PPP1R12A: variants seen among roughly 807,000 people sequenced by gnomAD.
PPP1R12A encodes the protein protein phosphatase 1 regulatory subunit 12A, also known as myosin binding subunit.
In PPP1R12A, 19 loss-of-function variants were observed where a neutral mutation model predicts 139.6. That is an observed-to-expected ratio of 0.14 (90% CI 0.09 to 0.20). The LOEUF is 0.20. Among genes scored for constraint, PPP1R12A ranks in the 10% least tolerant of loss-of-function variants. The pLI, the probability that PPP1R12A is intolerant of heterozygous loss-of-function variation, is 1.00. For synonymous variants in PPP1R12A, 427 were observed against 420.6 expected, an observed-to-expected ratio of 1.02 and a Z score of -0.19; for missense variants, 925 against 1,211.5, an observed-to-expected ratio of 0.76 and a Z score of 3.51.
intron 1 of PPP1R12A, among the ~76,000 whole-genome samples, chr12:79,900,731 C>T (rs918697063): frequency 1.3e-5 from 2 of 152,026 alleles, no homozygotes; most frequent in African/African-American, 4.8e-5. Context: ...GGAGAAGGCT[C>T]CTAAATAGTC....
At chr12:79,852,613 G>A (rs1007791356) in intron 2 of PPP1R12A, among the ~76,000 whole-genome samples, 2 of 152,086 alleles carry the variant, frequency 1.3e-5, no homozygotes, top group African/African-American at 4.8e-5. Flanking sequence ...AGATAGTGAG[G>A]TGCCATTTCA....
intron 2 of PPP1R12A, among the ~76,000 whole-genome samples, chr12:79,870,008 C>T (rs185663429): frequency 1.3e-5 from 2 of 151,794 alleles, no homozygotes; most frequent in East Asian, 3.9e-4. Context: ...GGCCACCAGA[C>T]TATTATTTTT....
chr12:79,916,934 C>T (rs2136931496), intron 1 of PPP1R12A, among the ~76,000 whole-genome samples: 1 of 151,422 alleles, frequency 6.6e-6, no homozygotes, highest in Non-Finnish European at 1.5e-5. Flanking sequence ...GTAAAAGATC[C>T]AAAAGTAACA....
At chr12:79,827,957 C>T (rs1344902978) in intron 5 of PPP1R12A, among the ~76,000 whole-genome samples, 2 of 152,092 alleles carry the variant, frequency 1.3e-5, no homozygotes, top group Non-Finnish European at 2.9e-5. Flanking sequence ...ACGTGTGTTC[C>T]AACTCAAAGG....
intron 1 of PPP1R12A, among the ~76,000 whole-genome samples, chr12:79,880,196 T>C (rs974574063): frequency 6.6e-6 from 1 of 152,124 alleles, no homozygotes; most frequent in African/African-American, 2.4e-5. Flanking sequence ...ATAAGGGCCA[T>C]AATAGCAGTG....
chr12:79,906,493 T>A (rs945454089), intron 1 of PPP1R12A, among the ~76,000 whole-genome samples: 2 of 152,136 alleles, frequency 1.3e-5, no homozygotes, highest in Non-Finnish European at 2.9e-5. Flanking sequence ...TAATATTTTT[T>A]AAAAAGCTAA....
chr12:79,892,773 CTG>C (rs761940775), intron 1 of PPP1R12A, among the ~76,000 whole-genome samples: 9 of 152,124 alleles, frequency 5.9e-5, no homozygotes, highest in Non-Finnish European at 1.0e-4. Flanking sequence ...TATTTCCAAA[CTG>C]TTTCCATGAA....
In PPP1R12A at chr12:79,774,968, T is replaced by A. The variant is rs1381540773; in HGVS notation, c.*961A>T. 2.0e-5 allele frequency: 3 copies of A among 152,368 alleles called. No homozygotes were observed. The East Asian group carries it at 5.8e-4, about 29-fold the overall frequency. 9.4% of individuals were successfully genotyped at this position (152,368 alleles called of 1,614,324 possible). On this transcript the variant is annotated 3_prime_UTR_variant, in exon 25 of 25. Coordinates refer to ENST00000450142, the MANE Select transcript of PPP1R12A (RefSeq NM_002480.3). ...ATGTGTAACTTTTAAAGTCTTTATA[T>A]CACATTGTTAGCAAATTTTGTTTTT...
At chr12:79,796,744 G>T in intron 17 of PPP1R12A, 38 bp downstream of exon 17, 2 of 1,503,794 alleles carry the variant, frequency 1.3e-6, no homozygotes, top group South Asian at 1.2e-5. Context: ...AGGATTATAT[G>T]AAGAAAGCAA....
chr12:79,902,003 G>A, intron 1 of PPP1R12A, among the ~76,000 whole-genome samples: 1 of 152,168 alleles, frequency 6.6e-6, no homozygotes, highest in South Asian at 2.1e-4. Context: ...ATGGGCTCAG[G>A]ATATTTAAGG....
intron 2 of PPP1R12A, among the ~76,000 whole-genome samples, chr12:79,857,489 AAGTTAATGAAG>A (rs1442837003): frequency 1.3e-5 from 2 of 151,990 alleles, no homozygotes; most frequent in Admixed American, 1.3e-4. Context: ...GCTAAATGAC[AAGTTAATGAAG>A]AGTTAATGCA....
chr12:79,809,714 G>T (rs1874295558), intron 10 of PPP1R12A, 81 bp downstream of exon 10: 5 of 1,082,210 alleles, frequency 4.6e-6, no homozygotes, highest in Non-Finnish European at 6.7e-6. Context: ...AAGATAACTA[G>T]CAGAAAATCT....
At chr12:79,821,831 A>G (rs1876148808) in intron 6 of PPP1R12A, among the ~76,000 whole-genome samples, 1 of 152,050 alleles carries the variant, frequency 6.6e-6, no homozygotes, top group Non-Finnish European at 1.5e-5. Context: ...GAGATTTTAT[A>G]GATTCCATCT....
intron 13 of PPP1R12A, 100 bp from the exon 14 acceptor site, chr12:79,805,868 A>AT (rs957844269): frequency 6.2e-6 from 8 of 1,287,644 alleles, no homozygotes; most frequent in South Asian, 1.6e-5. Flanking sequence ...ACAGGGATGG[A>AT]TTTTTTTAAA....
chr12:79,798,339 T>A (rs1872715256), intron 15 of PPP1R12A, among the ~76,000 whole-genome samples, 155 bp downstream of exon 15: 1 of 152,150 alleles, frequency 6.6e-6, no homozygotes, highest in African/African-American at 2.4e-5. Context: ...TACAGCAACC[T>A]TTACCTTTTA....
intron 2 of PPP1R12A, among the ~76,000 whole-genome samples, chr12:79,851,023 G>C (rs972698183): frequency 6.6e-6 from 1 of 152,132 alleles, no homozygotes; most frequent in Admixed American, 6.5e-5. Flanking sequence ...TGCAAGATTG[G>C]ACTAATACAT....
intron 1 of PPP1R12A, among the ~76,000 whole-genome samples, chr12:79,926,121 T>C (rs748557676): frequency 1.3e-5 from 2 of 152,160 alleles, no homozygotes; most frequent in Non-Finnish European, 2.9e-5. Context: ...TAAACTAAGT[T>C]ACATAAACTG....
rs369911477 is a variant in PPP1R12A at position 79,909,877 on chromosome 12, A to AT, written c.237+24817dup. On this transcript the variant is annotated intron_variant, in intron 1 of 24. Coordinates refer to ENST00000450142, the MANE Select transcript of PPP1R12A (RefSeq NM_002480.3). ...GGCATCATATCCGGCTAATTTTTGTATTTTTGTAGAGAGAGAGTTTCACCA... is the reference window on the plus strand; with the variant it reads ...GGCATCATATCCGGCTAATTTTTGTATTTTTTGTAGAGAGAGAGTTTCACCA... Among the ~76,000 whole-genome samples, 29 of 151,750 alleles carry AT rather than the reference A, an allele frequency of 1.9e-4. 1 individual carries two copies. In the Middle Eastern group the frequency reaches 0.017, roughly 90 times the overall value.
chr12:79,806,121 A>C (rs1364762064), intron 13 of PPP1R12A, 45 bp downstream of exon 13: 2 of 1,585,554 alleles, frequency 1.3e-6, no homozygotes, highest in Admixed American at 1.8e-5. Flanking sequence ...ATGCACATAC[A>C]TAAGCACACA....
Sources: allele counts gnomAD v4.1 joint callset (sites outside exome capture counted in the v4.1 genomes callset), GRCh38; gene constraint gnomAD v4.1.1; transcripts MANE v1.5; gene names NCBI Gene and HGNC (gene_info 2026-07-23, HGNC 2026-07-21).